Variants in CYBRD1 observed in about 807,000 individuals in gnomAD.
The protein encoded by CYBRD1 is cytochrome b reductase 1.
In CYBRD1, 14 loss-of-function variants were observed where a neutral mutation model predicts 21.9. The ratio of observed to expected loss-of-function variants is 0.64; its 90% CI spans 0.42 to 1.00. The LOEUF (loss-of-function observed/expected upper bound fraction) is 1.00, where lower values mean the gene tolerates loss of function less well. CYBRD1 is among the 50% of genes least tolerant of loss of function. The pLI, the probability that CYBRD1 is intolerant of heterozygous loss-of-function variation, is 0.00. For synonymous variants in CYBRD1, 146 were observed against 136.5 expected (o/e 1.07, Z -0.48); for missense variants, 328 against 352.5 (o/e 0.93, Z 0.56).
chr2:171,527,115 C>A (rs1314159591), intron 1 of CYBRD1, among the ~76,000 whole-genome samples: 1 of 152,072 alleles, frequency 6.6e-6, no homozygotes, highest in East Asian at 1.9e-4. Flanking sequence ...GTCCCAAATA[C>A]CTACTCTAAA....
At position 171,541,700 on chromosome 2, in the gene CYBRD1, C is replaced by T. The variant is rs141691061; in HGVS notation, c.309C>T (p.Ala103=). 7.4e-6 allele frequency: 12 copies of T among 1,613,392 alleles called. No homozygotes were observed. Among genetic ancestry groups the T allele is most frequent in the African/African-American group, 2.7e-5 (2 of 74,728 alleles). The change falls in exon 2 of 4, where the codon GCC becomes GCT. Residue 103 remains alanine (A), a synonymous_variant. Transcript: ENST00000321348. ...AAILAIISVV[A]VFENHNVNNI... Reference sequence around the variant, plus strand: ...TTCTTGCAATTATCTCTGTGGTGGCCGTGTTTGAGAACCACAATGTTAACA... The same window carrying T: ...TTCTTGCAATTATCTCTGTGGTGGCTGTGTTTGAGAACCACAATGTTAACA...
intron 1 of CYBRD1, chr2:171,523,011 G>A (rs1470025158): frequency 2.0e-6 from 1 of 498,558 alleles, no homozygotes; most frequent in South Asian, 2.2e-5. Context: ...GGCGGAGCGG[G>A]GCCGGCCCCA....
intron 1 of CYBRD1, among the ~76,000 whole-genome samples, chr2:171,524,389 AAGAGT>A (rs1365439026): frequency 1.3e-5 from 2 of 152,352 alleles, no homozygotes; most frequent in East Asian, 3.9e-4. Context: ...TGTTTGCTCA[AAGAGT>A]AGAGCCAGTC....
upstream of CYBRD1, chr2:171,522,314 G>A (rs1359188375): frequency 1.8e-5 from 28 of 1,527,180 alleles, no homozygotes; most frequent in Non-Finnish European, 2.4e-5. The surrounding 1 kb of genome is among the most constrained non-coding windows in gnomAD (Gnocchi z 4.3). Flanking sequence ...GGCAATGAGC[G>A]CCCTCGGCGG....
chr2:171,552,075 T>C (rs1683384138), intron 2 of CYBRD1, among the ~76,000 whole-genome samples: 1 of 152,174 alleles, frequency 6.6e-6, no homozygotes, highest in South Asian at 2.1e-4. Context: ...TACTCTGAAA[T>C]GCCTATAGAC....
chr2:171,557,048 C>T lies in CYBRD1; in HGVS notation c.*2221C>T, dbSNP rs189985021. 1.2e-4 allele frequency: 18 copies of T among 152,656 alleles called. No homozygotes were observed. Among genetic ancestry groups the T allele is most frequent in the Admixed American group, 1.1e-3 (17 of 15,278 alleles). The allele number at this position is 152,656 out of a possible 1,614,324, so 9.5% of individuals were successfully genotyped here. A position where few individuals can be genotyped will look rare whatever the true frequency, so the allele number is the denominator to read the frequency against. On this transcript the variant is annotated 3_prime_UTR_variant, in exon 4 of 4. Coordinates refer to ENST00000321348, the MANE Select transcript of CYBRD1 (RefSeq NM_024843.4). ...AGTATTTAAGCACCCCCCATCTCAGCCCTTTATTTTATCTTTCATGTGGGC... is the reference window on the plus strand; with the variant it reads ...AGTATTTAAGCACCCCCCATCTCAGTCCTTTATTTTATCTTTCATGTGGGC...
upstream of CYBRD1, chr2:171,522,455 G>T: frequency 1.3e-6 from 2 of 1,534,256 alleles, no homozygotes; most frequent in Non-Finnish European, 1.8e-6. The surrounding 1 kb of genome is among the most constrained non-coding windows in gnomAD (Gnocchi z 4.3). Context: ...AGAAGTCGAC[G>T]CCCCGGTCCC....
chr2:171,553,520 T>TA lies in CYBRD1; in HGVS notation c.557+22dup. 6.2e-7 allele frequency: 1 copy of TA among 1,604,754 alleles called. No homozygotes were observed. Among genetic ancestry groups the TA allele is most frequent in the Non-Finnish European group, 8.5e-7 (1 of 1,174,768 alleles). Reference sequence around the variant, plus strand: ...TTCCCTGTAAGTTGCATAGTCTTCTTAATTGTAATACTTAAGCCACAAAAT... The same window carrying TA: ...TTCCCTGTAAGTTGCATAGTCTTCTTAAATTGTAATACTTAAGCCACAAAAT... On this transcript the variant is annotated intron_variant, in intron 3 of 3. Coordinates refer to ENST00000321348, the MANE Select transcript of CYBRD1 (RefSeq NM_024843.4).
intron 1 of CYBRD1, among the ~76,000 whole-genome samples, chr2:171,540,102 A>G (rs776372759): frequency 6.6e-6 from 1 of 152,240 alleles, no homozygotes; most frequent in Non-Finnish European, 1.5e-5. Context: ...CTGTGAAACC[A>G]GCACCTAGAT....
intron 2 of CYBRD1, among the ~76,000 whole-genome samples, chr2:171,546,312 T>C (rs1219964555): frequency 1.3e-5 from 2 of 152,160 alleles, no homozygotes; most frequent in East Asian, 1.9e-4. Context: ...CACAAAATCA[T>C]AAGAATCAAA....
chr2:171,535,287 C>T (rs1559315468), intron 1 of CYBRD1, among the ~76,000 whole-genome samples: 1 of 152,122 alleles, frequency 6.6e-6, no homozygotes, highest in African/African-American at 2.4e-5. Context: ...TAAGGGCTTC[C>T]CTTTAGAGTA....
At chr2:171,550,234 T>C (rs1697779268) in intron 2 of CYBRD1, among the ~76,000 whole-genome samples, 1 of 152,042 alleles carries the variant, frequency 6.6e-6, no homozygotes, top group Non-Finnish European at 1.5e-5. Flanking sequence ...GCCTCCAGAG[T>C]AGCTGGGACT....
At chr2:171,526,581 A>G (rs1697390008) in intron 1 of CYBRD1, among the ~76,000 whole-genome samples, 1 of 152,238 alleles carries the variant, frequency 6.6e-6, no homozygotes, top group South Asian at 2.1e-4. Flanking sequence ...AACAGACTCT[A>G]ACATGAATGA....
At chr2:171,535,997 C>T (rs1390337975) in intron 1 of CYBRD1, among the ~76,000 whole-genome samples, 1 of 151,968 alleles carries the variant, frequency 6.6e-6, no homozygotes, top group African/African-American at 2.4e-5. Context: ...CATAAAAGTA[C>T]CTAAATCGGA....
chr2:171,541,073 C>T (rs1697624079), intron 1 of CYBRD1: 1 of 171,290 alleles, frequency 5.8e-6, no homozygotes, highest in Non-Finnish European at 1.3e-5. Flanking sequence ...CAAACTGAGA[C>T]ATTTTTAAGA....
At chr2:171,529,747 A>G (rs531385099) in intron 1 of CYBRD1, among the ~76,000 whole-genome samples, 1 of 152,190 alleles carries the variant, frequency 6.6e-6, no homozygotes, top group African/African-American at 2.4e-5. Context: ...TGAGATCTGC[A>G]CTGGTGAGAT....
At chr2:171,551,885 C>G (rs906120279) in intron 2 of CYBRD1, among the ~76,000 whole-genome samples, 1 of 152,038 alleles carries the variant, frequency 6.6e-6, no homozygotes, top group Non-Finnish European at 1.5e-5. Flanking sequence ...TCTCAAGATT[C>G]TTTTGGATTG....
In CYBRD1 at chr2:171,554,768, G is replaced by A. The variant is rs150572307; in HGVS notation, c.802G>A (p.Val268Ile). 3.7e-6 allele frequency: 6 copies of A among 1,613,878 alleles called. No homozygotes were observed. The highest frequency in any genetic ancestry group is 1.3e-5 in the African/African-American group (1 of 74,918). Residue 268 changes from valine (V) to isoleucine (I), a missense_variant, in exon 4 of 4, where the codon GTA becomes ATA. Physicochemically the swap from Val to Ile is conservative, Grantham distance 29 (BLOSUM62 3). Transcript: ENST00000321348. ...DKSDSELNSE[V>I]AARKRNLALD... ...ATCAGATTCAGAGTTAAACAGTGAAGTAGCAGCAAGGAAAAGAAACTTAGC... is the reference window on the plus strand; with the variant it reads ...ATCAGATTCAGAGTTAAACAGTGAAATAGCAGCAAGGAAAAGAAACTTAGC...
Position 171,522,811 on chromosome 2 carries a change from G to A in CYBRD1, c.193+73G>A. ...GCGGGGGCAGAGGGTCCTCCGTGAA[G>A]CCCCTTCCAGCTGAGGAAGTGCTGG... On this transcript the variant is annotated intron_variant, in intron 1 of 3. Transcript: ENST00000321348. The surrounding 1 kb of genome is among the most constrained non-coding windows in gnomAD (Gnocchi z 4.3). The A allele has an allele frequency of 6.3e-7, 1 of 1,594,260 alleles. No individual in the cohort carries two copies. Among genetic ancestry groups the A allele is most frequent in the Non-Finnish European group, 8.5e-7 (1 of 1,170,372 alleles).
Sources: allele counts gnomAD v4.1 joint callset (sites outside exome capture counted in the v4.1 genomes callset), GRCh38; gene constraint gnomAD v4.1.1; non-coding constraint Gnocchi (gnomAD v3.1); transcripts MANE v1.5; gene names NCBI Gene and HGNC (gene_info 2026-07-23, HGNC 2026-07-21).